ERC2: variants seen among roughly 807,000 people sequenced by gnomAD.
ERC2 encodes ELKS/RAB6-interacting/CAST family member 2.
Under a neutral mutation model 114.8 loss-of-function variants are expected in ERC2, and 42 were observed. That is an observed-to-expected ratio of 0.37 (90% confidence interval 0.29 to 0.47). The LOEUF (loss-of-function observed/expected upper bound fraction) is 0.47. Among genes scored for constraint, ERC2 ranks in the 20% least tolerant of loss-of-function variants. ERC2 has a pLI of 0.99. For synonymous variants in ERC2, 454 were observed against 425.5 expected, an observed-to-expected ratio of 1.07 and a Z score of -0.82; for missense variants, 939 against 1,150.7, an observed-to-expected ratio of 0.82 and a Z score of 2.66.
At chr3:55,831,374 G>A (rs1575754076) in intron 14 of ERC2, among the ~76,000 whole-genome samples, 1 of 78,504 alleles carries the variant, frequency 1.3e-5, no homozygotes, top group African/African-American at 5.1e-5. Context: ...GAGGGGAAGG[G>A]AAGGGAAGGG....
intron 6 of ERC2, among the ~76,000 whole-genome samples, chr3:56,104,054 A>G (rs952805418): frequency 1.3e-5 from 2 of 152,246 alleles, no homozygotes; most frequent in African/African-American, 4.8e-5. Flanking sequence ...AAACAGATAC[A>G]TCAATGAACT....
At chr3:55,958,358 T>G in intron 12 of ERC2, among the ~76,000 whole-genome samples, 1 of 152,224 alleles carries the variant, frequency 6.6e-6, no homozygotes, top group East Asian at 1.9e-4. Flanking sequence ...AGGGAGAAAG[T>G]GCATGCTGAT....
At chr3:56,291,425 G>A (rs1347141292) in intron 3 of ERC2, among the ~76,000 whole-genome samples, 2 of 152,188 alleles carry the variant, frequency 1.3e-5, no homozygotes, top group African/African-American at 2.4e-5. Context: ...AGACAAAGAA[G>A]TGGTTTCACA....
At chr3:55,996,649 C>T (rs981408288) in intron 10 of ERC2, among the ~76,000 whole-genome samples, 4 of 152,102 alleles carry the variant, frequency 2.6e-5, no homozygotes, top group Non-Finnish European at 4.4e-5. Flanking sequence ...GAAATGTCCC[C>T]GCAAATGGGA....
intron 15 of ERC2, among the ~76,000 whole-genome samples, chr3:55,707,303 G>C (rs532229468): frequency 6.6e-6 from 1 of 152,166 alleles, no homozygotes; most frequent in Non-Finnish European, 1.5e-5. Flanking sequence ...GCTAAGTGTG[G>C]TGGTGCATGC....
intron 10 of ERC2, among the ~76,000 whole-genome samples, chr3:56,006,326 A>G (rs143986183): frequency 1.3e-5 from 2 of 152,148 alleles, no homozygotes; most frequent in South Asian, 2.1e-4. Flanking sequence ...ATTTTTCATA[A>G]CTTTAGCCAA....
At chr3:56,060,068 T>G (rs1428801060) in intron 7 of ERC2, among the ~76,000 whole-genome samples, 1 of 152,230 alleles carries the variant, frequency 6.6e-6, no homozygotes, top group Non-Finnish European at 1.5e-5. Flanking sequence ...TATGTGTTCA[T>G]TTTATAACTG....
At chr3:55,943,217 TG>T (rs1174350508) in intron 13 of ERC2, among the ~76,000 whole-genome samples, 2 of 152,222 alleles carry the variant, frequency 1.3e-5, no homozygotes, top group African/African-American at 4.8e-5. Context: ...AATTCTACCT[TG>T]GAAAAAGTAA....
intron 2 of ERC2, among the ~76,000 whole-genome samples, chr3:56,424,609 A>G (rs2061499625): frequency 6.6e-6 from 1 of 152,240 alleles, no homozygotes; most frequent in Non-Finnish European, 1.5e-5. Flanking sequence ...GCTCTGTGCC[A>G]TCTCATCTAT....
intron 16 of ERC2, among the ~76,000 whole-genome samples, chr3:55,687,285 A>G (rs1017996431): frequency 6.6e-6 from 1 of 152,172 alleles, no homozygotes; most frequent in African/African-American, 2.4e-5. Context: ...ATAATCTGAC[A>G]TGATAAATGA....
intron 17 of ERC2, among the ~76,000 whole-genome samples, chr3:55,591,363 G>A (rs1249357278): frequency 6.6e-6 from 1 of 152,100 alleles, no homozygotes. Context: ...GGGAAGTGAA[G>A]TCTGGGGTAC....
intron 17 of ERC2, among the ~76,000 whole-genome samples, chr3:55,635,442 G>A (rs2059921503): frequency 6.6e-6 from 1 of 151,612 alleles, no homozygotes; most frequent in Non-Finnish European, 1.5e-5. Flanking sequence ...CCAGGCTGGA[G>A]TGCAGTGGCT....
chr3:55,730,612 C>A (rs114865608), intron 15 of ERC2, among the ~76,000 whole-genome samples: 2 of 152,098 alleles, frequency 1.3e-5, no homozygotes, highest in Non-Finnish European at 2.9e-5. Flanking sequence ...GGCTCACACC[C>A]GTAATCCCAG....
intron 8 of ERC2, among the ~76,000 whole-genome samples, chr3:56,016,655 T>G (rs2073332955): frequency 6.6e-6 from 1 of 152,176 alleles, no homozygotes; most frequent in Non-Finnish European, 1.5e-5. Flanking sequence ...TTCCTGGTAA[T>G]TCTGAAGTAA....
chr3:55,629,292 C>A (rs1428796303), intron 17 of ERC2, among the ~76,000 whole-genome samples: 1 of 152,198 alleles, frequency 6.6e-6, no homozygotes, highest in Non-Finnish European at 1.5e-5. Context: ...AGCCAGTACA[C>A]GATGAACTCT....
intron 17 of ERC2, among the ~76,000 whole-genome samples, chr3:55,636,913 A>G (rs2059980693): frequency 6.6e-6 from 1 of 152,160 alleles, no homozygotes; most frequent in Non-Finnish European, 1.5e-5. Context: ...AAATCACTCC[A>G]AGGGAAGCTA....
chr3:56,254,283 C>G (rs891799372), intron 3 of ERC2, among the ~76,000 whole-genome samples: 2 of 152,152 alleles, frequency 1.3e-5, no homozygotes, highest in Non-Finnish European at 2.9e-5. Context: ...CACCCCCCAA[C>G]AACTATACTC....
chr3:55,754,702 C>G (rs2066938821), intron 14 of ERC2, among the ~76,000 whole-genome samples: 1 of 151,162 alleles, frequency 6.6e-6, no homozygotes, highest in Non-Finnish European at 1.5e-5. Context: ...TTTGTAGTTT[C>G]TCTTTGAACT....
intron 3 of ERC2, among the ~76,000 whole-genome samples, chr3:56,283,407 G>T (rs1183007322): frequency 6.6e-6 from 1 of 152,094 alleles, no homozygotes; most frequent in African/African-American, 2.4e-5. Flanking sequence ...AAGGCAGGAG[G>T]ATCACTTAAG....
Sources: gnomAD v4.1 joint callset for allele counts (sites outside exome capture counted in the v4.1 genomes callset) on GRCh38, gnomAD v4.1.1 for gene constraint, MANE v1.5 for transcripts, NCBI Gene and HGNC (gene_info 2026-07-23, HGNC 2026-07-21) for gene names.